Variants in ABCA13 observed in about 807,000 individuals in gnomAD.
ABCA13 encodes ATP-binding cassette sub-family A member 13.
A neutral mutation model predicts 478.7 loss-of-function variants in ABCA13; 476 were observed. The observed-to-expected ratio is 0.99, with a 90% CI of 0.92 to 1.07. ABCA13 has a LOEUF of 1.07. Ranked by LOEUF, ABCA13 falls within the 50% of genes least tolerant of loss-of-function variation. The pLI, the probability that ABCA13 is intolerant of heterozygous loss-of-function variation, is 0.00. For missense variants in ABCA13, 6,060 were observed against 5,910.6 expected, an observed-to-expected ratio of 1.03 and a Z score of -0.83; for synonymous variants, 2,252 against 2,158.9, an observed-to-expected ratio of 1.04 and a Z score of -1.20.
Position 48,288,098 on chromosome 7 carries a change from T to A in ABCA13, c.8955+20T>A. The A allele has an allele frequency of 6.3e-7, 1 of 1,599,746 alleles. No homozygotes were observed. Among genetic ancestry groups the A allele is most frequent in the South Asian group, 1.1e-5 (1 of 90,722 alleles). The stretch of plus-strand genomic sequence containing the variant: ...TTCCAGGTTTGTCGTCTTTAATATT[T>A]CAGAGAATTTCATGTTCATGACTAT... On this transcript the variant is annotated intron_variant, in intron 20 of 61. Coordinates refer to ENST00000435803, the MANE Select transcript of ABCA13 (RefSeq NM_152701.5).
chr7:48,304,949 A>G (rs573009862), intron 23 of ABCA13, among the ~76,000 whole-genome samples: 1 of 152,346 alleles, frequency 6.6e-6, no homozygotes, highest in Admixed American at 6.5e-5. Flanking sequence ...ACCAAGAAGG[A>G]ATTAATTAGT....
chr7:48,282,942 G>T (rs1296925476), intron 19 of ABCA13, among the ~76,000 whole-genome samples: 1 of 152,226 alleles, frequency 6.6e-6, no homozygotes, highest in African/African-American at 2.4e-5. Flanking sequence ...TTGAATGAAT[G>T]AATAAGTGCC....
chr7:48,325,237 G>C (rs960285387), intron 27 of ABCA13, among the ~76,000 whole-genome samples: 1 of 152,100 alleles, frequency 6.6e-6, no homozygotes, highest in Non-Finnish European at 1.5e-5. Context: ...TGTGGTCCAG[G>C]TATGTTCTGT....
chr7:48,607,021 A>G (rs911551868), intron 58 of ABCA13, among the ~76,000 whole-genome samples: 1 of 152,220 alleles, frequency 6.6e-6, no homozygotes, highest in Non-Finnish European at 1.5e-5. Context: ...GAAACCGCGT[A>G]CTGAAGCCTC....
At chr7:48,412,848 G>A (rs1225859682) in intron 41 of ABCA13, among the ~76,000 whole-genome samples, 3 of 150,544 alleles carry the variant, frequency 2.0e-5, no homozygotes, top group East Asian at 2.0e-4. Flanking sequence ...TTTTTGAGAC[G>A]TAGTGCAGGC....
Position 48,279,205 on chromosome 7 carries a change from G to A in ABCA13, c.8011G>A (p.Val2671Ile), listed in dbSNP as rs751776413. ...GACTCAAACATTTTCTATGGATTCTGTCAACTTACGGGAAGAAATTCTGGG... is the reference window on the plus strand; with the variant it reads ...GACTCAAACATTTTCTATGGATTCTATCAACTTACGGGAAGAAATTCTGGG... ...NETQTFSMDS[V>I]NLREEILGCL... The change falls in exon 18 of 62, where the codon GTC (valine) becomes ATC (isoleucine). Residue 2671 changes from valine (V) to isoleucine (I), a missense_variant. Physicochemically the swap from Val to Ile is conservative, Grantham distance 29. Transcript: ENST00000435803. 5.0e-6 allele frequency: 8 copies of A among 1,594,932 alleles called. No homozygotes were observed. The Admixed American group carries it at 1.1e-4, about 21-fold the overall frequency.
intron 29 of ABCA13, among the ~76,000 whole-genome samples, chr7:48,348,461 T>G (rs1307845186): frequency 1.3e-5 from 2 of 152,230 alleles, no homozygotes; most frequent in Non-Finnish European, 2.9e-5. Flanking sequence ...TTTCTGCTAT[T>G]GACGCCATTT....
chr7:48,511,615 GT>G (rs1238567522), intron 51 of ABCA13, among the ~76,000 whole-genome samples: 2 of 152,072 alleles, frequency 1.3e-5, no homozygotes, highest in African/African-American at 4.8e-5. Context: ...GTTTGAAAAT[GT>G]TTTGTCTAAT....
intron 35 of ABCA13, among the ~76,000 whole-genome samples, chr7:48,378,725 A>G (rs1372336671): frequency 6.6e-6 from 1 of 152,202 alleles, no homozygotes; most frequent in Non-Finnish European, 1.5e-5. Flanking sequence ...ACCCTGCCAC[A>G]TCCAACTGGA....
intron 15 of ABCA13, among the ~76,000 whole-genome samples, chr7:48,259,861 C>T (rs551418872): frequency 2.4e-4 from 36 of 151,980 alleles, no homozygotes; most frequent in African/African-American, 6.3e-4. Flanking sequence ...CTCCTTTGTG[C>T]GTGAAAGCTC....
chr7:48,561,769 T>A (rs1478146756), intron 55 of ABCA13, among the ~76,000 whole-genome samples: 1 of 152,078 alleles, frequency 6.6e-6, no homozygotes, highest in East Asian at 1.9e-4. Flanking sequence ...ATTGCTTGAG[T>A]TTTTGGAGTC....
At chr7:48,262,830 C>T (rs1478792154) in intron 15 of ABCA13, among the ~76,000 whole-genome samples, 1 of 151,902 alleles carries the variant, frequency 6.6e-6, no homozygotes, top group African/African-American at 2.4e-5. Flanking sequence ...CAGCTAGCAA[C>T]TGAAAGAAGA....
rs76764739 is a variant in ABCA13 at position 48,492,544 on chromosome 7, A to C, written c.13291+3200A>C. ...GTCTCCCAAAAGTCTGTGTGTTGGA[A>C]ACTTGGTCCGCAGTGTAACAGTGTT... On this transcript the variant is annotated intron_variant, in intron 48 of 61. Transcript: ENST00000435803. Among the ~76,000 whole-genome samples, 66 of 152,240 alleles carry C rather than the reference A, an allele frequency of 4.3e-4. No homozygotes were observed. The East Asian group carries it at 0.012, about 28-fold the overall frequency.
chr7:48,279,703 T>G lies in ABCA13; in HGVS notation c.8509T>G (p.Trp2837Gly), dbSNP rs1186033402. Residue 2837 changes from tryptophan (W) to glycine (G), a missense_variant, in exon 18 of 62, where the codon TGG (tryptophan) becomes GGG (glycine). Coordinates refer to ENST00000435803, the MANE Select transcript of ABCA13 (RefSeq NM_152701.5). ...RKGLLFNNSE[W>G]ITSTRTLFQP... ...AGGACTTCTGTTTAACAACTCTGAATGGATAACTTCCACAAGAACTTTGTT... is the reference window on the plus strand; with the variant it reads ...AGGACTTCTGTTTAACAACTCTGAAGGGATAACTTCCACAAGAACTTTGTT... The G allele has an allele frequency of 6.2e-7, 1 of 1,613,536 alleles. No homozygotes were observed. Among genetic ancestry groups the G allele is most frequent in the East Asian group, 2.2e-5 (1 of 44,810 alleles).
Position 48,276,185 on chromosome 7 carries a change from A to C in ABCA13, c.6519A>C (p.Lys2173Asn), listed in dbSNP as rs1796281007. The C allele has an allele frequency of 3.1e-6, 5 of 1,589,714 alleles. No individual in the cohort carries two copies. In the East Asian group the frequency reaches 1.1e-4, roughly 36 times the overall value. Residue 2173 changes from lysine (K) to asparagine (N), a missense_variant, in exon 17 of 62, where the codon AAA becomes AAC. By Grantham distance (94) the Lys-to-Asn change is moderately conservative. Transcript: ENST00000435803. ...TTGCTACTTTTTGGGGCTCTTTAAA[A>C]AATATATCTAGAGCAGGCAATTTTG... ...KAIATFWGSL[K>N]NISRAGNFDV...
At chr7:48,583,865 C>A (rs2131378230) in intron 56 of ABCA13, among the ~76,000 whole-genome samples, 1 of 152,284 alleles carries the variant, frequency 6.6e-6, no homozygotes, top group Admixed American at 6.5e-5. Flanking sequence ...TATTTTCTGA[C>A]AACATGACAT....
intron 1 of ABCA13, among the ~76,000 whole-genome samples, chr7:48,189,063 G>C (rs1584048493): frequency 6.6e-6 from 1 of 152,154 alleles, no homozygotes; most frequent in African/African-American, 2.4e-5. Context: ...TTTCTTGAGA[G>C]GAGAGCCTGT....
intron 5 of ABCA13, among the ~76,000 whole-genome samples, chr7:48,222,738 C>CT (rs1787554096): frequency 1.3e-5 from 2 of 152,040 alleles, no homozygotes; most frequent in African/African-American, 4.8e-5. Context: ...TTCTATGTTG[C>CT]TTTTTTATTA....
At chr7:48,435,937 G>A (rs1049855539) in intron 42 of ABCA13, among the ~76,000 whole-genome samples, 31 of 146,860 alleles carry the variant, frequency 2.1e-4, no homozygotes, top group African/African-American at 7.8e-4. Context: ...GAGAGTTTTT[G>A]TATCAATATT....
Sources: allele counts gnomAD v4.1 joint callset (sites outside exome capture counted in the v4.1 genomes callset), GRCh38; gene constraint gnomAD v4.1.1; transcripts MANE v1.5; gene names NCBI Gene and HGNC (gene_info 2026-07-23, HGNC 2026-07-21).